The following PPFIA2 variants were observed in gnomAD, a reference collection of about 807,000 sequenced individuals.
The protein encoded by PPFIA2 is liprin-alpha-2.
In PPFIA2, 46 loss-of-function variants were observed where a neutral mutation model predicts 175.5. That is an observed-to-expected ratio of 0.26 (90% CI 0.21 to 0.34). PPFIA2 has a LOEUF of 0.34. PPFIA2 is among the 10% of genes least tolerant of loss of function. The probability of loss-of-function intolerance (pLI) is 1.00; values close to 1 mark genes in which losing one functional copy is unlikely to be tolerated. For synonymous variants in PPFIA2, 568 were observed against 511.4 expected (o/e 1.11, Z -1.49); for missense variants, 1,179 against 1,506.1 (o/e 0.78, Z 3.60).
At chr12:81,364,586 G>C (rs2032430591) in intron 14 of PPFIA2, among the ~76,000 whole-genome samples, 1 of 151,590 alleles carries the variant, frequency 6.6e-6, no homozygotes, top group Admixed American at 6.6e-5. Context: ...GTAAAGATGG[G>C]GTCTTGCTAT....
At chr12:81,741,051 T>C (rs1237490943) in intron 3 of PPFIA2, among the ~76,000 whole-genome samples, 2 of 152,086 alleles carry the variant, frequency 1.3e-5, no homozygotes, top group Admixed American at 1.3e-4. Flanking sequence ...ACATGAAGAA[T>C]GTGAAAAAAA....
intron 4 of PPFIA2, among the ~76,000 whole-genome samples, chr12:81,642,841 A>ATACATGTATATGTATGTATATAT (rs2065489148): frequency 7.5e-6 from 1 of 134,012 alleles, no homozygotes; most frequent in African/African-American, 2.7e-5. Flanking sequence ...TATGTATTAC[A>ATACATGTATATGTATGTATATAT]TACATATATA....
chr12:81,716,551 AAC>A lies in PPFIA2; in HGVS notation c.249+37420_249+37421del, dbSNP rs35938564. Among the ~76,000 whole-genome samples, 469 of 147,536 alleles carry A rather than the reference AAC, an allele frequency of 3.2e-3. 2 individuals carry two copies. Among genetic ancestry groups the A allele is most frequent in the African/African-American group, 8.7e-3 (351 of 40,260 alleles). Reference sequence around the variant, plus strand: ...GATAGTAAAATACTTGGAAAGTACCAACACACACACACACACACACACACAAG... The same window carrying A: ...GATAGTAAAATACTTGGAAAGTACCAACACACACACACACACACACACAAG... On this transcript the variant is annotated intron_variant, in intron 3 of 32. Coordinates refer to ENST00000549396, the MANE Select transcript of PPFIA2 (RefSeq NM_003625.5).
chr12:81,552,796 C>T (rs2153372424), intron 4 of PPFIA2, among the ~76,000 whole-genome samples: 1 of 152,106 alleles, frequency 6.6e-6, no homozygotes, highest in African/African-American at 2.4e-5. Context: ...TCACGCTAAA[C>T]AGTAAAGTAG....
At chr12:81,560,826 A>G (rs190042834) in intron 4 of PPFIA2, among the ~76,000 whole-genome samples, 4 of 152,188 alleles carry the variant, frequency 2.6e-5, no homozygotes, top group Admixed American at 2.6e-4. Context: ...GTTATTAATG[A>G]ACATACAAGC....
In PPFIA2 at chr12:81,327,358, T is replaced by C. The variant is rs139026307; in HGVS notation, c.2549-1488A>G. Among the ~76,000 whole-genome samples the C allele has an allele frequency of 7.4e-4, 113 of 152,242 alleles. 1 individual carries two copies. In the East Asian group the frequency reaches 0.019, roughly 26 times the overall value. On this transcript the variant is annotated intron_variant, in intron 21 of 32. Transcript: ENST00000549396. ...CTTGGTATGGATTAGGAAAGCCTTC[T>C]ACTGGTGACTAAAGTACTCTTGGGA...
intron 3 of PPFIA2, among the ~76,000 whole-genome samples, chr12:81,727,316 A>G (rs1008459692): frequency 4.0e-5 from 6 of 151,380 alleles, no homozygotes; most frequent in African/African-American, 9.7e-5. Context: ...TTAACTTTCT[A>G]TTGGCTCATT....
At chr12:81,711,861 C>G (rs1308232821) in intron 3 of PPFIA2, among the ~76,000 whole-genome samples, 1 of 149,602 alleles carries the variant, frequency 6.7e-6, no homozygotes, top group Non-Finnish European at 1.5e-5. Flanking sequence ...TGCCCCAATG[C>G]AAAGCTCCAA....
Position 81,299,395 on chromosome 12 carries a change from G to T in PPFIA2, c.2643-13C>A. The T allele has an allele frequency of 3.2e-6, 5 of 1,569,772 alleles. No homozygotes were observed. The highest frequency in any genetic ancestry group is 4.3e-6 in the Non-Finnish European group (5 of 1,155,944). On this transcript the variant is annotated splice_polypyrimidine_tract_variant and intron_variant, in intron 22 of 32. Coordinates refer to ENST00000549396, the MANE Select transcript of PPFIA2 (RefSeq NM_003625.5). ...AAGAAGTTCATGCCTGAAGTATATAGCAAAGATTATTAGGCAGGTATATGG... is the reference window on the plus strand; with the variant it reads ...AAGAAGTTCATGCCTGAAGTATATATCAAAGATTATTAGGCAGGTATATGG...
At chr12:81,757,710 T>A (rs2084903624) in intron 2 of PPFIA2, among the ~76,000 whole-genome samples, 1 of 152,198 alleles carries the variant, frequency 6.6e-6, no homozygotes, top group Non-Finnish European at 1.5e-5. Context: ...CAAGATCCAA[T>A]GTGTTCCTTA....
intron 22 of PPFIA2, chr12:81,311,931 T>C (rs1823396495): frequency 1.8e-6 from 1 of 561,960 alleles, no homozygotes; most frequent in African/African-American, 1.9e-5. Flanking sequence ...ATAATAAAAC[T>C]GAAGAAATAC....
At chr12:81,486,056 G>C (rs1455742429) in intron 4 of PPFIA2, among the ~76,000 whole-genome samples, 1 of 151,702 alleles carries the variant, frequency 6.6e-6, no homozygotes, top group African/African-American at 2.4e-5. Context: ...TACATTTTTA[G>C]CGTTATAAAT....
chr12:81,339,896 T>C (rs1432730523), intron 20 of PPFIA2, among the ~76,000 whole-genome samples: 1 of 152,108 alleles, frequency 6.6e-6, no homozygotes, highest in Non-Finnish European at 1.5e-5. Flanking sequence ...GATCAATGTA[T>C]GTGTTTTCCT....
intron 3 of PPFIA2, among the ~76,000 whole-genome samples, chr12:81,733,700 A>G (rs1415428002): frequency 2.0e-5 from 3 of 151,726 alleles, no homozygotes; most frequent in Non-Finnish European, 4.4e-5. Flanking sequence ...ATTCTACTAC[A>G]CTGAGTTCTT....
At chr12:81,610,378 A>G (rs531970569) in intron 4 of PPFIA2, among the ~76,000 whole-genome samples, 1 of 152,308 alleles carries the variant, frequency 6.6e-6, no homozygotes, top group South Asian at 2.1e-4. Flanking sequence ...CAGGATGCCA[A>G]TGAATCATAG....
At chr12:81,542,497 A>C (rs2066374293) in intron 4 of PPFIA2, among the ~76,000 whole-genome samples, 1 of 152,190 alleles carries the variant, frequency 6.6e-6, no homozygotes, top group African/African-American at 2.4e-5. Context: ...GTGCATATAC[A>C]AGGGTTAGAA....
At chr12:81,318,802 T>A (rs7952805) in intron 22 of PPFIA2, among the ~76,000 whole-genome samples, 111,925 of 151,438 alleles carry the variant, frequency 0.74, 43,584 homozygotes, top group Non-Finnish European at 0.88. Flanking sequence ...TAAAAAGTGA[T>A]CATGAACCCT....
intron 4 of PPFIA2, among the ~76,000 whole-genome samples, chr12:81,466,356 A>G (rs1214475198): frequency 2.0e-5 from 3 of 152,148 alleles, no homozygotes; most frequent in South Asian, 2.1e-4. Context: ...ACATGCTACA[A>G]AAGTCATTCC....
intron 11 of PPFIA2, chr12:81,369,402 A>C: frequency 3.6e-6 from 5 of 1,402,040 alleles, no homozygotes; most frequent in Non-Finnish European, 4.6e-6. Context: ...TCAGCAAAAC[A>C]TTGGAGTTAT....
Sources: allele counts gnomAD v4.1 joint callset (sites outside exome capture counted in the v4.1 genomes callset), GRCh38; gene constraint gnomAD v4.1.1; transcripts MANE v1.5; gene names NCBI Gene and HGNC (gene_info 2026-07-23, HGNC 2026-07-21).